The following AGFG2 variants were observed in gnomAD, a reference collection of about 807,000 sequenced individuals.
AGFG2 encodes the protein arf-GAP domain and FG repeat-containing protein 2.
AGFG2 carries 31 observed loss-of-function variants against 48.0 expected under a neutral mutation model. The ratio of observed to expected loss-of-function variants is 0.65; its 90% CI spans 0.49 to 0.87. The LOEUF (loss-of-function observed/expected upper bound fraction) is 0.87, where lower values mean the gene tolerates loss of function less well. AGFG2 is among the 40% of genes least tolerant of loss of function. The pLI, the probability that AGFG2 is intolerant of heterozygous loss-of-function variation, is 0.00. For synonymous variants in AGFG2, 229 were observed against 260.8 expected, an observed-to-expected ratio of 0.88 and a Z score of 1.18; for missense variants, 599 against 632.6, an observed-to-expected ratio of 0.95 and a Z score of 0.57.
At position 100,555,592 on chromosome 7, in the gene AGFG2, T is replaced by A. The variant is rs1250683626; in HGVS notation, c.752-18T>A. On this transcript the variant is annotated intron_variant, in intron 5 of 11. Transcript: ENST00000300176. ...CCGACAATTTTCTATATAACCTTTATGTTTCTTCCACCTACAGGCCAGACA... is the reference window on the plus strand; with the variant it reads ...CCGACAATTTTCTATATAACCTTTAAGTTTCTTCCACCTACAGGCCAGACA... The A allele has an allele frequency of 3.1e-6, 5 of 1,611,310 alleles. No homozygotes were observed. The highest frequency in any genetic ancestry group is 3.3e-4 in the Middle Eastern group (2 of 6,036).
chr7:100,556,538 ACT>A, intron 6 of AGFG2: 3 of 1,268,922 alleles, frequency 2.4e-6, no homozygotes, highest in South Asian at 1.3e-5. Flanking sequence ...AGTGACATAC[ACT>A]CTTTCTTTCT....
intron 3 of AGFG2, among the ~76,000 whole-genome samples, chr7:100,552,183 T>C (rs1293860678): frequency 6.6e-6 from 1 of 152,020 alleles, no homozygotes; most frequent in African/African-American, 2.4e-5. Flanking sequence ...AGGCAGTGGT[T>C]GCAGTCAGCT....
At chr7:100,559,445 GGA>G (rs1800820140) in intron 6 of AGFG2, among the ~76,000 whole-genome samples, 1 of 152,082 alleles carries the variant, frequency 6.6e-6, no homozygotes, top group Admixed American at 6.6e-5. Flanking sequence ...GGGGGAGTAT[GGA>G]GAGAGGGGTT....
At chr7:100,559,880 C>G (rs1800828842) in intron 6 of AGFG2, among the ~76,000 whole-genome samples, 1 of 151,722 alleles carries the variant, frequency 6.6e-6, no homozygotes, top group African/African-American at 2.4e-5. Context: ...GTTTCTTGGG[C>G]CACCGCCTCC....
At chr7:100,560,071 G>T (rs991002407) in intron 6 of AGFG2, among the ~76,000 whole-genome samples, 3 of 152,176 alleles carry the variant, frequency 2.0e-5, no homozygotes, top group Non-Finnish European at 4.4e-5. Context: ...AGCCATCCGA[G>T]GAAAGGGAGC....
rs1001441754 is a variant in AGFG2, at chr7:100,562,010, C to T, written c.878-249C>T. 1.3e-5 allele frequency among the ~76,000 whole-genome samples: 2 copies of T among 152,084 alleles called. No homozygotes were observed. Among genetic ancestry groups the T allele is most frequent in the Admixed American group, 6.6e-5 (1 of 15,264 alleles). On this transcript the variant is annotated intron_variant, in intron 6 of 11. Transcript: ENST00000300176. The surrounding 1 kb of genome is among the most constrained non-coding windows in gnomAD (Gnocchi z 5.4). ...CCTGGGGACGAGCTGCTTTCCTCTCCGCAGCGCAGCTTTGAGCGCAGGGGA... is the reference window on the plus strand; with the variant it reads ...CCTGGGGACGAGCTGCTTTCCTCTCTGCAGCGCAGCTTTGAGCGCAGGGGA...
intron 6 of AGFG2, among the ~76,000 whole-genome samples, chr7:100,558,600 G>A (rs1800805252): frequency 2.0e-5 from 3 of 150,350 alleles, no homozygotes; most frequent in Admixed American, 2.0e-4. Flanking sequence ...GGGGTGTAGT[G>A]GCACAATCTC....
rs772350508 is a variant in AGFG2 at position 100,563,862 on chromosome 7, G to T, written c.1200G>T (p.Gly400=). 1 of 1,611,226 alleles carries T rather than the reference G, an allele frequency of 6.2e-7. No homozygotes were observed. Among genetic ancestry groups the T allele is most frequent in the East Asian group, 2.2e-5 (1 of 44,876 alleles). The change falls in exon 10 of 12, where the codon GGG becomes GGT. Residue 400 remains glycine, a synonymous_variant. Coordinates refer to ENST00000300176, the MANE Select transcript of AGFG2 (RefSeq NM_006076.5). ...CCGGCTTTGGGATGAGCAGTGCTGGGCCTGGCTTCCCCCAGGCAGTGCCAC... is the reference window on the plus strand; with the variant it reads ...CCGGCTTTGGGATGAGCAGTGCTGGTCCTGGCTTCCCCCAGGCAGTGCCAC... ...PGPGFGMSSA[G]PGFPQAVPPT... is the part of the protein sequence containing the mutation.
At position 100,564,948 on chromosome 7, in the gene AGFG2, G is replaced by A; in HGVS notation, c.1403G>A (p.Ser468Asn). The change falls in exon 12 of 12, where the codon AGC (serine) becomes AAC (asparagine). Residue 468 changes from serine to asparagine, a missense_variant. Coordinates refer to ENST00000300176, the MANE Select transcript of AGFG2 (RefSeq NM_006076.5). ...TCTTTCCAGACTGGACCCTCATCAA[G>A]CCCATTCGCCTCCAAACCTCCAACC... ...TNPFMTGPSS[S>N]PFASKPPTTN... The A allele has an allele frequency of 6.2e-7, 1 of 1,614,084 alleles. No homozygotes were observed. Among genetic ancestry groups the A allele is most frequent in the Non-Finnish European group, 8.5e-7 (1 of 1,179,994 alleles).
rs1800374011 is a variant in AGFG2 at position 100,539,385 on chromosome 7, C to T, written c.39C>T (p.Gly13=). ...CGAAGAAGGGCCCGGGCCCGGGCGG[C>T]GGGGTCAGCGGGGGCAAGGCGGAGG... ...MAAKKGPGPG[G]GVSGGKAEAE... Residue 13 remains glycine, a synonymous_variant, in exon 1 of 12, where the codon GGC becomes GGT. Coordinates refer to ENST00000300176, the MANE Select transcript of AGFG2 (RefSeq NM_006076.5). The T allele has an allele frequency of 1.6e-6, 2 of 1,282,788 alleles. No individual in the cohort carries two copies. Among genetic ancestry groups the T allele is most frequent in the Non-Finnish European group, 2.0e-6 (2 of 1,011,346 alleles). 79.5% of individuals were successfully genotyped at this position (1,282,788 alleles called of 1,614,324 possible). A position where few individuals can be genotyped will look rare whatever the true frequency, so the allele number is the denominator to read the frequency against.
chr7:100,563,075 C>A, intron 9 of AGFG2, 129 bp downstream of exon 9: 1 of 966,894 alleles, frequency 1.0e-6, no homozygotes, highest in Non-Finnish European at 1.5e-6. Flanking sequence ...TCTTCCCCTG[C>A]CCACACGGTG....
At position 100,562,933 on chromosome 7, in the gene AGFG2, T is replaced by C. The variant is rs1800911439; in HGVS notation, c.1158T>C (p.Asn386=). ...CTTCCACCAACCCGTTCCAGCCCAA[T>C]GGCTTGGCGCCAGGTAAGCCTCCAG... ...PLPSTNPFQP[N]GLAPGPGFGM... Residue 386 remains asparagine (N), a synonymous_variant, in exon 9 of 12, where the codon AAT becomes AAC. Transcript: ENST00000300176. This position sits in a 1 kb window ranked among gnomAD's most constrained non-coding sequence, Gnocchi z 5.4. The C allele has an allele frequency of 1.2e-6, 2 of 1,613,800 alleles. No individual in the cohort carries two copies. The highest frequency in any genetic ancestry group is 2.2e-5 in the South Asian group (2 of 91,050).
intron 6 of AGFG2, among the ~76,000 whole-genome samples, chr7:100,557,171 C>T (rs934203823): frequency 9.3e-5 from 14 of 151,156 alleles, no homozygotes; most frequent in African/African-American, 3.4e-4. Flanking sequence ...GCACTCCAGC[C>T]TGAGTGACAG....
chr7:100,550,253 G>A, intron 2 of AGFG2, 143 bp from the exon 3 acceptor site: 1 of 580,320 alleles, frequency 1.7e-6, no homozygotes, highest in Admixed American at 3.1e-5. Flanking sequence ...GTTGCAGTGA[G>A]CTGAGATCGT....
In AGFG2 at chr7:100,566,973, G is replaced by C. The variant is rs751594117; in HGVS notation, c.*1982G>C. The C allele has an allele frequency of 6.6e-6, 1 of 152,394 alleles. No homozygotes were observed. The highest frequency in any genetic ancestry group is 1.5e-5 in the Non-Finnish European group (1 of 68,058). 9.4% of individuals were successfully genotyped at this position (152,394 alleles called of 1,614,324 possible). On this transcript the variant is annotated 3_prime_UTR_variant, in exon 12 of 12. Transcript: ENST00000300176. ...CCCTTCCCTTAATGCCAGGAGCGCC[G>C]AGGTTTGGAACTGAGGCTAAACCGA... is the stretch of plus-strand genomic sequence containing the variant.
rs531111815 is a variant in AGFG2, at chr7:100,558,286, T to G, written c.877+2551T>G. The stretch of plus-strand genomic sequence containing the variant: ...AGAAATGCAAACTAGGATAAGATAG[T>G]TTTGCACATCATGTTGGCAAAATTT... On this transcript the variant is annotated intron_variant, in intron 6 of 11. Coordinates refer to ENST00000300176, the MANE Select transcript of AGFG2 (RefSeq NM_006076.5). 4.8e-4 allele frequency among the ~76,000 whole-genome samples: 73 copies of G among 152,224 alleles called. 1 individual carries two copies. Among genetic ancestry groups the G allele is most frequent in the African/African-American group, 1.7e-3 (72 of 41,536 alleles).
At chr7:100,550,633 C>A in intron 3 of AGFG2, 122 bp downstream of exon 3, 1 of 671,664 alleles carries the variant, frequency 1.5e-6, no homozygotes, top group Non-Finnish European at 2.6e-6. Flanking sequence ...GATTCTGTTC[C>A]ACTCACATTC....
In AGFG2 at chr7:100,558,215, G is replaced by A. The variant is rs548902667; in HGVS notation, c.877+2480G>A. Among the ~76,000 whole-genome samples the A allele has an allele frequency of 1.6e-3, 237 of 151,996 alleles. 1 individual carries two copies. Among genetic ancestry groups the A allele is most frequent in the African/African-American group, 5.4e-3 (225 of 41,486 alleles). ...GGCGACAAGAGCGAGACTTTGTCTC[G>A]AAAAACAAAAAAACAAAAGAAAATA... On this transcript the variant is annotated intron_variant, in intron 6 of 11. Transcript: ENST00000300176.
At position 100,565,238 on chromosome 7, in the gene AGFG2, G is replaced by A; in HGVS notation, c.*247G>A. 2 of 581,870 alleles carry A rather than the reference G, an allele frequency of 3.4e-6. No individual in the cohort carries two copies. The highest frequency in any genetic ancestry group is 6.1e-6 in the Non-Finnish European group (2 of 325,838). The allele number at this position is 581,870 out of a possible 1,614,324, so 36.0% of individuals were successfully genotyped here. On this transcript the variant is annotated 3_prime_UTR_variant, in exon 12 of 12. Transcript: ENST00000300176. ...AGTGCGGGCAGGGCCTGACCTGGAG[G>A]AGTGATGGTTGAGGGGGAGGGATTT...
Sources: allele counts gnomAD v4.1 joint callset (sites outside exome capture counted in the v4.1 genomes callset), GRCh38; gene constraint gnomAD v4.1.1; non-coding constraint Gnocchi (gnomAD v3.1); transcripts MANE v1.5; gene names NCBI Gene and HGNC (gene_info 2026-07-23, HGNC 2026-07-21).